KIF20B: variants seen among roughly 807,000 people sequenced by gnomAD.
The protein encoded by KIF20B is kinesin family member 20B.
In KIF20B, 188 loss-of-function variants were observed where a neutral mutation model predicts 232.5. That is an observed-to-expected ratio of 0.81 (90% CI 0.72 to 0.91). The LOEUF (loss-of-function observed/expected upper bound fraction) is 0.91, where lower values mean the gene tolerates loss of function less well. Ranked by LOEUF, KIF20B falls within the 40% of genes least tolerant of loss-of-function variation. The pLI is 0.00. For missense variants in KIF20B, 2,154 were observed against 2,055.9 expected, an observed-to-expected ratio of 1.05 and a Z score of -0.92; for synonymous variants, 712 against 683.0, an observed-to-expected ratio of 1.04 and a Z score of -0.66.
At chr10:89,760,883 A>G (rs1198583221) in intron 28 of KIF20B, among the ~76,000 whole-genome samples, 2 of 152,212 alleles carry the variant, frequency 1.3e-5, no homozygotes, top group Non-Finnish European at 2.9e-5. Flanking sequence ...ATGGTCAGAA[A>G]TAGGAAATCC....
At chr10:89,746,854 G>A (rs113902032) in intron 23 of KIF20B, among the ~76,000 whole-genome samples, 6,485 of 152,212 alleles carry the variant, frequency 0.043, 401 homozygotes, top group African/African-American at 0.14. Flanking sequence ...TATCAAAAGT[G>A]AAAAGTAGTG....
chr10:89,721,243 A>G (rs916452310), intron 13 of KIF20B, among the ~76,000 whole-genome samples: 1 of 152,240 alleles, frequency 6.6e-6, no homozygotes, highest in Non-Finnish European at 1.5e-5. Context: ...TATTGAACAT[A>G]TGTTTGGAAA....
Position 89,768,891 on chromosome 10 carries a change from T to G in KIF20B, c.5242+3T>G. On this transcript the variant is annotated splice_donor_region_variant and intron_variant, in intron 31 of 32. Transcript: ENST00000371728. ...TCCCTCAATTCTTCAATCAAAAGGT[T>G]TGCAGAAAATTAATTAAATGACCTT... 3 of 1,578,510 alleles carry G rather than the reference T, an allele frequency of 1.9e-6. No homozygotes were observed. The highest frequency in any genetic ancestry group is 2.4e-5 in the South Asian group (2 of 84,998).
In KIF20B at chr10:89,743,895, G is replaced by A. The variant is rs143200257; in HGVS notation, c.4003G>A (p.Asp1335Asn). ...GAAAAACCAGTGTTCTCAGGAATTA[G>A]ATATGAAACAGCGAACCATTCAGCA... Reference protein sequence around the residue: ...KKKNQCSQELDMKQRTIQQLK... With the variant: ...KKKNQCSQELNMKQRTIQQLK... Residue 1335 changes from aspartate (D) to asparagine (N), a missense_variant, in exon 22 of 33, where the codon GAT (aspartate) becomes AAT (asparagine). Transcript: ENST00000371728. 4 of 1,589,842 alleles carry A rather than the reference G, an allele frequency of 2.5e-6. No individual in the cohort carries two copies. The highest frequency in any genetic ancestry group is 2.4e-5 in the South Asian group (2 of 85,064).
At chr10:89,768,185 A>T in intron 29 of KIF20B, 105 bp from the exon 30 acceptor site, 1 of 713,864 alleles carries the variant, frequency 1.4e-6, no homozygotes, top group Non-Finnish European at 2.4e-6. Flanking sequence ...GTTAAGAGTC[A>T]CTGTTTTAAG....
chr10:89,722,746 T>C (rs1440266945), intron 13 of KIF20B, among the ~76,000 whole-genome samples: 1 of 136,094 alleles, frequency 7.3e-6, no homozygotes. Flanking sequence ...TCAATAGTTA[T>C]TATTTATTGT....
At chr10:89,724,136 T>C (rs745784047) in intron 14 of KIF20B, 33 bp downstream of exon 14, 24 of 1,439,252 alleles carry the variant, frequency 1.7e-5, no homozygotes, top group Non-Finnish European at 2.2e-5. Context: ...AGGTAAAAAT[T>C]GAGAATTTTA....
chr10:89,708,502 C>T (rs911250359), intron 2 of KIF20B, among the ~76,000 whole-genome samples: 1 of 152,282 alleles, frequency 6.6e-6, no homozygotes, highest in East Asian at 1.9e-4. Flanking sequence ...TGAGCCACCG[C>T]TCCTGGCCTG....
chr10:89,773,694 A>C lies in KIF20B; in HGVS notation c.5386-277A>C, dbSNP rs34473259. On this transcript the variant is annotated intron_variant, in intron 32 of 32. Coordinates refer to ENST00000371728, the MANE Select transcript of KIF20B (RefSeq NM_001284259.2). ...AATTATTTGAGGCACTTGTCTCCAA[A>C]TATTTTAGTAATTATTTTAAGTTAT... is the stretch of plus-strand genomic sequence containing the variant. 8.3e-3 allele frequency among the ~76,000 whole-genome samples: 1,263 copies of C among 152,150 alleles called. 16 individuals carry two copies. The highest frequency in any genetic ancestry group is 0.029 in the African/African-American group (1,225 of 41,568).
chr10:89,729,746 G>T (rs901383189), intron 18 of KIF20B, among the ~76,000 whole-genome samples: 2 of 152,084 alleles, frequency 1.3e-5, no homozygotes, highest in Non-Finnish European at 2.9e-5. Context: ...AGACTTAAAG[G>T]GTTGTCTTTC....
chr10:89,757,038 G>A lies in KIF20B; in HGVS notation c.4504-1668G>A, dbSNP rs374336154. ...ATATCTCTGTTGTGTGTGTGTGTGT[G>A]TGTATATATATATATATATATATAT... On this transcript the variant is annotated intron_variant, in intron 26 of 32. Transcript: ENST00000371728. Among the ~76,000 whole-genome samples the A allele has an allele frequency of 1.3e-3, 103 of 79,066 alleles. 1 individual carries two copies. Among genetic ancestry groups the A allele is most frequent in the East Asian group, 4.3e-3 (5 of 1,164 alleles). 51.9% of individuals were successfully genotyped at this position (79,066 alleles called of 152,430 possible).
intron 11 of KIF20B, 48 bp from the exon 12 acceptor site, chr10:89,718,662 A>G: frequency 2.8e-6 from 4 of 1,423,034 alleles, no homozygotes; most frequent in Non-Finnish European, 2.0e-6. Flanking sequence ...CCCTGATTTC[A>G]TGAGATGTTT....
chr10:89,719,787 GT>G (rs1000543690), intron 13 of KIF20B, 81 bp downstream of exon 13: 7 of 1,197,614 alleles, frequency 5.8e-6, no homozygotes, highest in South Asian at 1.6e-5. Flanking sequence ...TCTCTCTTCA[GT>G]TTTTTTCAAC....
intron 5 of KIF20B, among the ~76,000 whole-genome samples, chr10:89,710,726 A>G (rs1232791775): frequency 2.0e-5 from 3 of 152,226 alleles, no homozygotes; most frequent in Non-Finnish European, 4.4e-5. Context: ...AAATCTTAAT[A>G]TGGTTGCATT....
chr10:89,745,320 C>T (rs983717917), intron 22 of KIF20B, among the ~76,000 whole-genome samples: 5 of 152,068 alleles, frequency 3.3e-5, no homozygotes, highest in Non-Finnish European at 7.4e-5. Context: ...GTCAGGAGAT[C>T]GAGACTAGCC....
chr10:89,749,263 A>C (rs1348120078), intron 23 of KIF20B, among the ~76,000 whole-genome samples: 5 of 152,328 alleles, frequency 3.3e-5, no homozygotes, highest in African/African-American at 1.2e-4. Context: ...ATAGACAACA[A>C]ACAAAACTAT....
At chr10:89,720,712 T>TTATG (rs1368315553) in intron 13 of KIF20B, among the ~76,000 whole-genome samples, 3 of 152,148 alleles carry the variant, frequency 2.0e-5, no homozygotes, top group Admixed American at 6.5e-5. Flanking sequence ...ATTTATTTAT[T>TTATG]TATTTATTTT....
At chr10:89,714,273 G>A (rs1038788712) in intron 7 of KIF20B, among the ~76,000 whole-genome samples, 190 bp downstream of exon 7, 4 of 152,056 alleles carry the variant, frequency 2.6e-5, no homozygotes, top group African/African-American at 9.7e-5. Context: ...GAGGTCAAGA[G>A]ATTGAGACCA....
At position 89,716,538 on chromosome 10, in the gene KIF20B, C is replaced by G. The variant is rs377232644; in HGVS notation, c.1043C>G (p.Ser348Cys). Residue 348 changes from serine (S) to cysteine (C), a missense_variant, in exon 9 of 33, where the codon TCC (serine) becomes TGC (cysteine). By Grantham distance (112) the Ser-to-Cys change is moderately radical. Transcript: ENST00000371728. ...SVAFTKLNNA[S>C]SRSHSIFTVK... ...GCCTTCACAAAATTGAATAATGCTT[C>G]CAGTAGAAGGTAAAGAATAAACTCT... The G allele has an allele frequency of 1.5e-5, 23 of 1,492,522 alleles. No homozygotes were observed. The African/African-American group carries it at 2.7e-4, about 17-fold the overall frequency. The allele number at this position is 1,492,522 out of a possible 1,614,324, so 92.5% of individuals were successfully genotyped here. A position where few individuals can be genotyped will look rare whatever the true frequency, so the allele number is the denominator to read the frequency against.
Sources: allele counts gnomAD v4.1 joint callset (sites outside exome capture counted in the v4.1 genomes callset), GRCh38; gene constraint gnomAD v4.1.1; transcripts MANE v1.5; gene names NCBI Gene and HGNC (gene_info 2026-07-23, HGNC 2026-07-21).